Variants in MILR1 observed in about 807,000 individuals in gnomAD.
MILR1 encodes mast cell immunoglobulin like receptor 1.
In MILR1, 31 loss-of-function variants were observed where a neutral mutation model predicts 18.5. That is an observed-to-expected ratio of 1.68 (90% CI 1.26 to 2.26). The LOEUF is 2.26. Ranked by LOEUF, MILR1 falls within the 30% of genes most tolerant of loss-of-function variation. The pLI, the probability that MILR1 is intolerant of heterozygous loss-of-function variation, is 0.00. For missense variants in MILR1, 257 were observed against 157.4 expected (o/e 1.63, Z -3.38); for synonymous variants, 85 against 56.2 (o/e 1.51, Z -2.30).
the MILR1 span, chr17:64,496,603 C>A: frequency 5.0e-5 from 80 of 1,613,718 alleles, no homozygotes; most frequent in Admixed American, 1.5e-4. Context: ...ATACCTGCTC[C>A]CTGAACACCA....
chr17:64,475,441 G>A, the MILR1 span, among the ~76,000 whole-genome samples: 7 of 151,980 alleles, frequency 4.6e-5, no homozygotes, highest in Admixed American at 6.6e-5. Context: ...CTGAGGTCGG[G>A]AGTTCAAGAC....
chr17:64,494,029 G>A, the MILR1 span, among the ~76,000 whole-genome samples: 1 of 152,066 alleles, frequency 6.6e-6, no homozygotes, highest in Non-Finnish European at 1.5e-5. Context: ...TATTTTAGTT[G>A]TTCCAATTTT....
intron 6 of MILR1, 69 bp downstream of exon 6, chr17:64,465,610 C>T (rs1184122576): frequency 1.3e-6 from 2 of 1,513,430 alleles, no homozygotes; most frequent in Admixed American, 4.0e-5. Context: ...TAAGGTTGTA[C>T]AGACATACGG....
intron 5 of MILR1, among the ~76,000 whole-genome samples, chr17:64,462,198 T>A (rs2037447162): frequency 6.6e-6 from 1 of 152,274 alleles, no homozygotes; most frequent in East Asian, 1.9e-4. Context: ...CTTCTTTTTT[T>A]ATTCTATATT....
the MILR1 span, among the ~76,000 whole-genome samples, chr17:64,493,387 A>C: frequency 3.9e-5 from 6 of 152,162 alleles, no homozygotes; most frequent in Non-Finnish European, 8.8e-5. Context: ...ACTGTGCTCC[A>C]GCCTGGGCAA....
At chr17:64,482,216 G>T in the MILR1 span, among the ~76,000 whole-genome samples, 1 of 146,866 alleles carries the variant, frequency 6.8e-6, no homozygotes. Context: ...TGATTCTTGT[G>T]CCTTAGCCTC....
Position 64,459,100 on chromosome 17 carries a change from A to G in MILR1, c.652+1416A>G, listed in dbSNP as rs1312934713. 2.0e-5 allele frequency among the ~76,000 whole-genome samples: 3 copies of G among 152,182 alleles called. No homozygotes were observed. In the East Asian group the frequency reaches 5.8e-4, roughly 29 times the overall value. The stretch of plus-strand genomic sequence containing the variant: ...ATTCCAGATTCAAACCTGACCTTCC[A>G]GGTCCTTCTGAAGGTGCATTTGTCA... On this transcript the variant is annotated intron_variant, in intron 4 of 9. Transcript: ENST00000619286.
the MILR1 span, chr17:64,480,148 T>C: frequency 2.4e-5 from 6 of 255,094 alleles, no homozygotes; most frequent in Admixed American, 5.4e-5. Context: ...TAAATGCACA[T>C]AGTTCTGTAA....
At chr17:64,457,781 C>A in intron 4 of MILR1, 97 bp downstream of exon 4, 2 of 460,962 alleles carry the variant, frequency 4.3e-6, no homozygotes, top group South Asian at 7.0e-5. Flanking sequence ...GGCCACCTGA[C>A]CTTCCAGGTC....
chr17:64,477,945 T>C, the MILR1 span: 1 of 1,614,012 alleles, frequency 6.2e-7, no homozygotes. Context: ...TCCAAAGTAG[T>C]TTCAGTAACC....
chr17:64,472,465 C>CTAAAAAAAA, downstream of MILR1, among the ~76,000 whole-genome samples: 1 of 13,916 alleles, frequency 7.2e-5, no homozygotes, highest in Non-Finnish European at 1.7e-4. Flanking sequence ...GACTCCATCT[C>CTAAAAAAAA]AAAAAAAAAA....
rs1056116453 is a variant in MILR1 at position 64,461,104 on chromosome 17, G to A, written c.763+172G>A. Among the ~76,000 whole-genome samples the A allele has an allele frequency of 5.9e-5, 9 of 152,052 alleles. 1 individual carries two copies. Among genetic ancestry groups the A allele is most frequent in the East Asian group, 5.8e-4 (3 of 5,184 alleles). ...CGGGAATGGAATAGACTTCCTGAACGGTTCATGCAGAGGGTAATTCTTTCT... is the reference window on the plus strand; with the variant it reads ...CGGGAATGGAATAGACTTCCTGAACAGTTCATGCAGAGGGTAATTCTTTCT... On this transcript the variant is annotated intron_variant, in intron 5 of 9. Transcript: ENST00000619286.
downstream of MILR1, chr17:64,468,754 T>C (rs936591389): frequency 1.0e-4 from 45 of 434,996 alleles, no homozygotes; most frequent in Non-Finnish European, 1.1e-4. Flanking sequence ...GTCAGCCACA[T>C]GGGCACTTGT....
At chr17:64,455,642 A>G (rs2037278512) in intron 3 of MILR1, among the ~76,000 whole-genome samples, 1 of 119,588 alleles carries the variant, frequency 8.4e-6, no homozygotes, top group Admixed American at 8.5e-5. Flanking sequence ...TTGTATTTTT[A>G]GTAGAGACGG....
chr17:64,475,372 G>A, the MILR1 span, among the ~76,000 whole-genome samples: 1 of 151,944 alleles, frequency 6.6e-6, no homozygotes, highest in Non-Finnish European at 1.5e-5. Context: ...CAAACGGCCG[G>A]GTGCGGTGGC....
the MILR1 span, chr17:64,477,833 T>C: frequency 6.3e-7 from 1 of 1,592,018 alleles, no homozygotes; most frequent in Non-Finnish European, 8.5e-7. Flanking sequence ...CTATACATTC[T>C]TAGCTGATGA....
chr17:64,496,786 C>T, the MILR1 span: 2 of 1,613,938 alleles, frequency 1.2e-6, no homozygotes, highest in Non-Finnish European at 1.7e-6. Flanking sequence ...CCTCTCCAGA[C>T]CCGGGGGCTT....
the MILR1 span, chr17:64,485,775 G>A: frequency 2.5e-6 from 4 of 1,612,696 alleles, no homozygotes; most frequent in Non-Finnish European, 2.5e-6. Flanking sequence ...TCTGTCAGCT[G>A]GAAAGAATCA....
At chr17:64,461,788 C>T (rs2037437565) in intron 5 of MILR1, among the ~76,000 whole-genome samples, 1 of 152,154 alleles carries the variant, frequency 6.6e-6, no homozygotes, top group South Asian at 2.1e-4. Flanking sequence ...TTCCCCCGGG[C>T]TCTGCCAACC....
Sources: gnomAD v4.1 joint callset for allele counts (sites outside exome capture counted in the v4.1 genomes callset) on GRCh38, gnomAD v4.1.1 for gene constraint, MANE v1.5 for transcripts, NCBI Gene and HGNC (gene_info 2026-07-23, HGNC 2026-07-21) for gene names.